The following TNIK variants were observed in gnomAD, a reference collection of about 807,000 sequenced individuals.
TNIK encodes the protein TRAF2 and NCK interacting kinase.
TNIK carries 49 observed loss-of-function variants against 191.3 expected under a neutral mutation model. The observed-to-expected ratio is 0.26, with a 90% CI of 0.20 to 0.32. TNIK has a LOEUF of 0.32. Among genes scored for constraint, TNIK ranks in the 10% least tolerant of loss-of-function variants. The pLI, the probability that TNIK is intolerant of heterozygous loss-of-function variation, is 1.00. For synonymous variants in TNIK, 594 were observed against 600.9 expected, an observed-to-expected ratio of 0.99 and a Z score of 0.17; for missense variants, 1,155 against 1,702.3, an observed-to-expected ratio of 0.68 and a Z score of 5.66.
At chr3:171,384,745 T>C (rs1462066152) in intron 1 of TNIK, among the ~76,000 whole-genome samples, 3 of 152,164 alleles carry the variant, frequency 2.0e-5, no homozygotes, top group Non-Finnish European at 4.4e-5. Flanking sequence ...TAAAAATAGA[T>C]TAAAATACAT....
chr3:171,129,476 T>C (rs1050511702), intron 15 of TNIK, among the ~76,000 whole-genome samples: 3 of 152,234 alleles, frequency 2.0e-5, no homozygotes, highest in Non-Finnish European at 4.4e-5. Flanking sequence ...GGGGTCTTTC[T>C]TTCCAGTTGT....
At chr3:171,202,635 T>A (rs1183750950) in intron 4 of TNIK, among the ~76,000 whole-genome samples, 1 of 152,194 alleles carries the variant, frequency 6.6e-6, no homozygotes, top group African/African-American at 2.4e-5. Context: ...AAAGAAGAGA[T>A]CAATTGCACA....
chr3:171,300,717 G>A (rs1457813904), intron 2 of TNIK, among the ~76,000 whole-genome samples: 2 of 152,132 alleles, frequency 1.3e-5, no homozygotes, highest in Non-Finnish European at 2.9e-5. Context: ...GTCAAGTACT[G>A]TTCTTTTTAT....
At chr3:171,428,329 A>G (rs959564293) in intron 1 of TNIK, among the ~76,000 whole-genome samples, 1 of 152,216 alleles carries the variant, frequency 6.6e-6, no homozygotes, top group Admixed American at 6.5e-5. Context: ...TGATCAGTGC[A>G]GAGAAAGAGA....
chr3:171,368,922 G>T (rs1334322939), intron 2 of TNIK, among the ~76,000 whole-genome samples: 1 of 130,540 alleles, frequency 7.7e-6, no homozygotes, highest in Non-Finnish European at 1.6e-5. Context: ...TCCAAAAACA[G>T]TTCACTTTCA....
At position 171,066,563 on chromosome 3, in the gene TNIK, A is replaced by C. The variant is rs955368852; in HGVS notation, c.3859+13T>G. ...GTGTAACTGCTGAAGGAGATAAGGA[A>C]TGGTTAACCTACCCACAGACGTGGG... On this transcript the variant is annotated intron_variant, in intron 31 of 32. Coordinates refer to ENST00000436636, the MANE Select transcript of TNIK (RefSeq NM_015028.4). 6.2e-7 allele frequency: 1 copy of C among 1,613,244 alleles called. No homozygotes were observed. The highest frequency in any genetic ancestry group is 8.5e-7 in the Non-Finnish European group (1 of 1,179,812).
At chr3:171,180,881 C>T (rs1736568267) in intron 7 of TNIK, among the ~76,000 whole-genome samples, 1 of 152,114 alleles carries the variant, frequency 6.6e-6, no homozygotes, top group Non-Finnish European at 1.5e-5. Context: ...CTACTTTGTC[C>T]ATAGGTGACT....
Position 171,157,442 on chromosome 3 carries a change from G to T in TNIK, c.1221+18C>A. On this transcript the variant is annotated intron_variant, in intron 12 of 32. Transcript: ENST00000436636. ...ACTGAGAGGCTTGGGGTCAGAGGTGGCCCGAGCAGGTCCTCACCTCCTCCA... is the reference window on the plus strand; with the variant it reads ...ACTGAGAGGCTTGGGGTCAGAGGTGTCCCGAGCAGGTCCTCACCTCCTCCA... The T allele has an allele frequency of 1.3e-6, 2 of 1,552,598 alleles. No homozygotes were observed. The highest frequency in any genetic ancestry group is 1.7e-6 in the Non-Finnish European group (2 of 1,148,232).
In TNIK at chr3:171,068,954, G is replaced by C; in HGVS notation, c.3593C>G (p.Thr1198Arg). The C allele has an allele frequency of 6.2e-7, 1 of 1,613,638 alleles. No homozygotes were observed. The highest frequency in any genetic ancestry group is 8.5e-7 in the Non-Finnish European group (1 of 1,179,726). Residue 1198 changes from threonine (T) to arginine (R), a missense_variant, in exon 30 of 33, where the codon ACG becomes AGG. This residue lies in a region of TNIK where 195 missense variants were observed against 415.4 expected (regional missense o/e 0.47). Transcript: ENST00000436636. ...LQHKPLLVDL[T>R]VEEGQRLKVI... Reference sequence around the variant, plus strand: ...CTTTAATCTTTGACCTTCTTCTACCGTGAGATCAACTAGCAGAGGCTTGTG... The same window carrying C: ...CTTTAATCTTTGACCTTCTTCTACCCTGAGATCAACTAGCAGAGGCTTGTG...
At chr3:171,140,362 G>C in intron 13 of TNIK, 37 bp downstream of exon 13, 1 of 1,495,548 alleles carries the variant, frequency 6.7e-7, no homozygotes, top group Admixed American at 2.2e-5. Context: ...TGGGGTCCCC[G>C]GGGGGCCATC....
chr3:171,376,562 A>C (rs1039770302), intron 1 of TNIK, among the ~76,000 whole-genome samples: 7 of 152,114 alleles, frequency 4.6e-5, no homozygotes, highest in Non-Finnish European at 7.4e-5. Context: ...ACACGTACAT[A>C]GTGATTAGAT....
rs1246136124 is a variant in TNIK at position 171,068,972 on chromosome 3, G to A, written c.3575C>T (p.Pro1192Leu). The change falls in exon 30 of 33, where the codon CCT becomes CTT. Residue 1192 changes from proline (P) to leucine (L), a missense_variant. Transcript: ENST00000436636. ...FKSFADLQHK[P>L]LLVDLTVEEG... ...TTCTACCGTGAGATCAACTAGCAGAGGCTTGTGCTGGAGATCTGCAAAAGA... is the reference window on the plus strand; with the variant it reads ...TTCTACCGTGAGATCAACTAGCAGAAGCTTGTGCTGGAGATCTGCAAAAGA... The A allele has an allele frequency of 6.2e-7, 1 of 1,613,192 alleles. No homozygotes were observed. Among genetic ancestry groups the A allele is most frequent in the South Asian group, 1.1e-5 (1 of 90,842 alleles).
chr3:171,140,986 G>A (rs1309025442), intron 12 of TNIK, among the ~76,000 whole-genome samples: 1 of 152,096 alleles, frequency 6.6e-6, no homozygotes, highest in East Asian at 1.9e-4. Context: ...GATGGCAGAG[G>A]GTGCTTTAGG....
chr3:171,219,063 T>TATTTTATA (rs1560278658), intron 3 of TNIK, among the ~76,000 whole-genome samples: 3 of 51,964 alleles, frequency 5.8e-5, no homozygotes, highest in Admixed American at 2.0e-4. Flanking sequence ...ATATAATATA[T>TATTTTATA]TAAATATATA....
At chr3:171,154,186 A>AG (rs1439830329) in intron 12 of TNIK, among the ~76,000 whole-genome samples, 7 of 151,948 alleles carry the variant, frequency 4.6e-5, no homozygotes, top group Non-Finnish European at 1.0e-4. Context: ...TGACATTTTT[A>AG]GGCTGCCAGG....
chr3:171,327,360 T>C (rs962761976), intron 2 of TNIK, among the ~76,000 whole-genome samples: 6 of 152,196 alleles, frequency 3.9e-5, no homozygotes, highest in Admixed American at 6.5e-5. Context: ...CTATTTCTCT[T>C]GCCTCCTGAG....
chr3:171,347,301 G>T, intron 2 of TNIK: 1 of 1,421,328 alleles, frequency 7.0e-7, no homozygotes, highest in Non-Finnish European at 9.4e-7. Context: ...TCTTCTCTTT[G>T]ACAGCCAAGC....
chr3:171,259,998 T>C (rs1242943123), intron 2 of TNIK, among the ~76,000 whole-genome samples: 1 of 152,192 alleles, frequency 6.6e-6, no homozygotes, highest in East Asian at 1.9e-4. Flanking sequence ...ATGCACTTCC[T>C]TGTAAAATCC....
rs1233376318 is a variant in TNIK, at chr3:171,434,465, TTA to T, written c.57+25540_57+25541del. On this transcript the variant is annotated intron_variant, in intron 1 of 32. Transcript: ENST00000436636. ...TTTACTTATTTATTTATTTATTTAT[TTA>T]TTTTTTTTGAGACAAAGTCTTGCTC... 5.3e-3 allele frequency among the ~76,000 whole-genome samples: 792 copies of T among 149,402 alleles called. 6 individuals carry two copies. Among genetic ancestry groups the T allele is most frequent in the African/African-American group, 0.019 (761 of 39,692 alleles).
Sources: gnomAD v4.1 joint callset for allele counts (sites outside exome capture counted in the v4.1 genomes callset) on GRCh38, gnomAD v4.1.1 for gene constraint, gnomAD v4.1.1 regional missense constraint, MANE v1.5 for transcripts, NCBI Gene and HGNC (gene_info 2026-07-23, HGNC 2026-07-21) for gene names.